Variants in NAA25 observed in about 807,000 individuals in gnomAD.
NAA25 encodes N-terminal acetyltransferase B complex subunit NAA25.
NAA25 carries 30 observed loss-of-function variants against 132.5 expected under a neutral mutation model. That is an observed-to-expected ratio of 0.23 (90% CI 0.17 to 0.31). The LOEUF (loss-of-function observed/expected upper bound fraction) is 0.31. Ranked by LOEUF, NAA25 falls within the 10% of genes least tolerant of loss-of-function variation. The pLI is 1.00. For synonymous variants in NAA25, 359 were observed against 401.9 expected (o/e 0.89, Z 1.28); for missense variants, 771 against 1,150.4 (o/e 0.67, Z 4.77).
At chr12:112,052,736 T>C (rs1179101482) in intron 15 of NAA25, among the ~76,000 whole-genome samples, 2 of 152,200 alleles carry the variant, frequency 1.3e-5, no homozygotes, top group Non-Finnish European at 2.9e-5. Context: ...CCCCAGAAAC[T>C]AGCTTCCTTG....
chr12:112,101,154 C>T (rs752140663), intron 1 of NAA25, among the ~76,000 whole-genome samples: 5 of 152,120 alleles, frequency 3.3e-5, no homozygotes, highest in Non-Finnish European at 7.4e-5. Flanking sequence ...ACATCATTTC[C>T]ACAGGAAACC....
intron 22 of NAA25, chr12:112,034,834 G>T (rs1049130976): frequency 3.4e-5 from 5 of 147,302 alleles, no homozygotes; most frequent in African/African-American, 1.2e-4. Flanking sequence ...AAAAAGAAAA[G>T]AAAAGAAATT....
In NAA25 at chr12:112,074,740, C is replaced by G. The variant is rs1277061212; in HGVS notation, c.801G>C (p.Leu267=). 1 of 1,611,588 alleles carries G rather than the reference C, an allele frequency of 6.2e-7. No homozygotes were observed. Among genetic ancestry groups the G allele is most frequent in the African/African-American group, 1.3e-5 (1 of 74,852 alleles). ...LKNSDDWQFY[L]TYFDSVFRLI... Reference sequence around the variant, plus strand: ...GTCGAAAGACAGAATCGAAATAAGTCAGATAGAACTGCCAGTCATCTGAGC... The same window carrying G: ...GTCGAAAGACAGAATCGAAATAAGTGAGATAGAACTGCCAGTCATCTGAGC... The change falls in exon 9 of 24, where the codon CTG becomes CTC. Residue 267 remains leucine (L), a synonymous_variant. Transcript: ENST00000261745.
At chr12:112,105,575 C>T (rs1375336168) in intron 1 of NAA25, among the ~76,000 whole-genome samples, 1 of 152,192 alleles carries the variant, frequency 6.6e-6, no homozygotes, top group African/African-American at 2.4e-5. Context: ...AGTAAAATTT[C>T]AACCCACCAC....
chr12:112,103,371 G>A (rs1593845080), intron 1 of NAA25, among the ~76,000 whole-genome samples: 1 of 152,166 alleles, frequency 6.6e-6, no homozygotes, highest in Non-Finnish European at 1.5e-5. Context: ...CAGGTCCAGG[G>A]CAAAAGACCA....
intron 1 of NAA25, among the ~76,000 whole-genome samples, chr12:112,095,486 T>C (rs2079199498): frequency 6.7e-6 from 1 of 150,192 alleles, no homozygotes. Flanking sequence ...CGCATGCCTA[T>C]AGTCCCAGCT....
At position 112,036,832 on chromosome 12, in the gene NAA25, C is replaced by G. The variant is rs577441255; in HGVS notation, c.2649+2397G>C. ...CTCCAGCCTGGGCAACAGAGCAAGA[C>G]TCCATCTCAAAAAAAAAAAAAAAAG... On this transcript the variant is annotated intron_variant, in intron 22 of 23. Transcript: ENST00000261745. 2.2e-4 allele frequency among the ~76,000 whole-genome samples: 33 copies of G among 149,146 alleles called. 1 individual carries two copies. In the East Asian group the frequency reaches 4.3e-3, roughly 20 times the overall value.
At chr12:112,054,642 C>A in intron 13 of NAA25, 74 bp from the exon 14 acceptor site, 1 of 1,360,524 alleles carries the variant, frequency 7.4e-7, no homozygotes, top group East Asian at 2.4e-5. Flanking sequence ...AAAACAAAAC[C>A]TTATTGACAT....
intron 10 of NAA25, chr12:112,069,298 A>G (rs965854873): frequency 8.2e-6 from 2 of 244,074 alleles, no homozygotes; most frequent in African/African-American, 4.6e-5. Context: ...TGAAGTCAGG[A>G]GTTCAAGACC....
intron 4 of NAA25, among the ~76,000 whole-genome samples, chr12:112,081,744 T>C (rs965338872): frequency 6.6e-6 from 1 of 152,192 alleles, no homozygotes; most frequent in Non-Finnish European, 1.5e-5. Context: ...CAACTAGTAA[T>C]TGATGCTAAA....
intron 9 of NAA25, among the ~76,000 whole-genome samples, chr12:112,072,689 A>G (rs1362797061): frequency 6.6e-6 from 1 of 152,142 alleles, no homozygotes; most frequent in Admixed American, 6.5e-5. Flanking sequence ...CTAAAATCCC[A>G]GCACTTTGGG....
At chr12:112,074,234 G>C (rs1045495181) in intron 9 of NAA25, among the ~76,000 whole-genome samples, 1 of 151,242 alleles carries the variant, frequency 6.6e-6, no homozygotes, top group Middle Eastern at 3.4e-3. Context: ...CCAGCTATTC[G>C]GGAAGCTGAG....
chr12:112,053,711 G>A, intron 14 of NAA25, 54 bp from the exon 15 acceptor site: 1 of 1,271,130 alleles, frequency 7.9e-7, no homozygotes, highest in Admixed American at 2.1e-5. Context: ...TACTTACCTA[G>A]CTCAAGTAAC....
At position 112,081,125 on chromosome 12, in the gene NAA25, C is replaced by A. The variant is rs140115954; in HGVS notation, c.412G>T (p.Ala138Ser). 1 of 1,611,948 alleles carries A rather than the reference C, an allele frequency of 6.2e-7. No homozygotes were observed. The change falls in exon 5 of 24, where the codon GCT (alanine) becomes TCT (serine). Residue 138 changes from alanine to serine, a missense_variant. By Grantham distance (99) the Ala-to-Ser change is moderately conservative (BLOSUM62 1). Coordinates refer to ENST00000261745, the MANE Select transcript of NAA25 (RefSeq NM_024953.4). ...EYKKMQQAGM[A>S]LYKIVPKNPY... ...TTTTTGGGGACAATCTTATATAGAG[C>A]CATGCCAGCCTAAAAGAGAACCATA...
At chr12:112,039,501 G>T (rs2078272525) in intron 21 of NAA25, 162 bp from the exon 22 acceptor site, 3 of 518,792 alleles carry the variant, frequency 5.8e-6, no homozygotes, top group Admixed American at 3.7e-5. Flanking sequence ...TCACTCTACT[G>T]ATCCAGGCCT....
In NAA25 at chr12:112,054,458, C is replaced by T. The variant is rs755531654; in HGVS notation, c.1558G>A (p.Gly520Ser). ...AGATCCACCACTGGTTCAAATGCACCCAGCATACAGTAGATTCGAACAAGC... is the reference window on the plus strand; with the variant it reads ...AGATCCACCACTGGTTCAAATGCACTCAGCATACAGTAGATTCGAACAAGC... ...LLLVRIYCML[G>S]AFEPVVDLYS... The change falls in exon 14 of 24, where the codon GGT becomes AGT. Residue 520 changes from glycine to serine, a missense_variant. Physicochemically the swap from Gly to Ser is moderately conservative, Grantham distance 56. Around this residue, in one of 3 missense-constraint regions of NAA25, gnomAD observed 417 missense variants for 733.8 expected, o/e 0.57. Coordinates refer to ENST00000261745, the MANE Select transcript of NAA25 (RefSeq NM_024953.4). The T allele has an allele frequency of 6.2e-7, 1 of 1,614,032 alleles. No individual in the cohort carries two copies. The highest frequency in any genetic ancestry group is 8.5e-7 in the Non-Finnish European group (1 of 1,179,996).
intron 11 of NAA25, among the ~76,000 whole-genome samples, chr12:112,062,400 CAAAA>C (rs750872314): frequency 1.2e-5 from 1 of 84,372 alleles, no homozygotes. Context: ...GACTCCATCT[CAAAA>C]AAAAAAAAAA....
intron 7 of NAA25, among the ~76,000 whole-genome samples, 184 bp downstream of exon 7, chr12:112,078,004 T>C (rs1795799155): frequency 6.6e-6 from 1 of 152,120 alleles, no homozygotes; most frequent in East Asian, 1.9e-4. Flanking sequence ...TCTGAATCTG[T>C]TATTTTCAAG....
intron 18 of NAA25, 34 bp from the exon 19 acceptor site, chr12:112,043,245 A>G: frequency 6.4e-7 from 1 of 1,555,814 alleles, no homozygotes; most frequent in Non-Finnish European, 8.7e-7. Flanking sequence ...TGCTCTTTTA[A>G]ATCCATCTAA....
Sources: gnomAD v4.1 joint callset for allele counts (sites outside exome capture counted in the v4.1 genomes callset) on GRCh38, gnomAD v4.1.1 for gene constraint, gnomAD v4.1.1 regional missense constraint, MANE v1.5 for transcripts, NCBI Gene and HGNC (gene_info 2026-07-23, HGNC 2026-07-21) for gene names.